Variants in SORL1 observed in about 807,000 individuals in gnomAD.
SORL1 encodes the protein sortilin-related receptor.
In SORL1, 127 loss-of-function variants were observed where a neutral mutation model predicts 273.7. The observed-to-expected ratio is 0.46, with a 90% CI of 0.40 to 0.54. The LOEUF is 0.54. Among genes scored for constraint, SORL1 ranks in the 20% least tolerant of loss-of-function variants. SORL1 has a pLI of 0.00. For missense variants in SORL1, 2,494 were observed against 2,846.1 expected, an observed-to-expected ratio of 0.88 and a Z score of 2.81; for synonymous variants, 1,031 against 1,067.4, an observed-to-expected ratio of 0.97 and a Z score of 0.66.
chr11:121,479,075 C>T (rs1338842148), intron 3 of SORL1, among the ~76,000 whole-genome samples: 1 of 152,124 alleles, frequency 6.6e-6, no homozygotes, highest in East Asian at 1.9e-4. Flanking sequence ...TGAACCTGTA[C>T]CGATATGGAA....
At chr11:121,555,156 C>T in intron 17 of SORL1, 31 bp from the exon 18 acceptor site, 12 of 1,606,280 alleles carry the variant, frequency 7.5e-6, no homozygotes, top group Non-Finnish European at 1.0e-5. Flanking sequence ...TGAACAGTTC[C>T]TAGCATTTAT....
chr11:121,523,261 G>A (rs1862068062), intron 11 of SORL1, among the ~76,000 whole-genome samples: 1 of 152,184 alleles, frequency 6.6e-6, no homozygotes, highest in Admixed American at 6.5e-5. Flanking sequence ...CTGTTTTACT[G>A]ACTTCTTTAT....
chr11:121,457,077 CG>C (rs1157249691), intron 1 of SORL1, among the ~76,000 whole-genome samples: 37 of 152,264 alleles, frequency 2.4e-4, no homozygotes, highest in Non-Finnish European at 4.6e-4. Context: ...CAATAAGGGA[CG>C]TGACCTTGAA....
intron 13 of SORL1, 93 bp downstream of exon 13, chr11:121,543,819 G>A (rs958566643): frequency 3.3e-6 from 4 of 1,213,162 alleles, no homozygotes; most frequent in Non-Finnish European, 4.6e-6. Flanking sequence ...GTACTCAGAA[G>A]AGCCTGACAT....
intron 16 of SORL1, among the ~76,000 whole-genome samples, chr11:121,552,138 A>G (rs539707201): frequency 6.6e-5 from 10 of 152,204 alleles, no homozygotes; most frequent in South Asian, 2.1e-4. Flanking sequence ...AAAAGAGAGA[A>G]AAAAAAAGGC....
chr11:121,586,158 CTG>C (rs1863103027), intron 26 of SORL1, 62 bp from the exon 27 acceptor site: 1 of 1,333,808 alleles, frequency 7.5e-7, no homozygotes. Context: ...CCCGCCAGCA[CTG>C]TGTGTGAGTG....
rs1238052968 is a variant in SORL1, at chr11:121,452,611, G to C, written c.280G>C (p.Gly94Arg). ...ALQPEPIKVY[G>R]QVSLNDSHNQ... Reference sequence around the variant, plus strand: ...GCAGCCCGAGCCCATCAAGGTGTACGGACAGGTGAGCAGTTTTGCAACCCG... The same window carrying C: ...GCAGCCCGAGCCCATCAAGGTGTACCGACAGGTGAGCAGTTTTGCAACCCG... The change falls in exon 1 of 48, where the codon GGA (glycine) becomes CGA (arginine). Residue 94 changes from glycine (G) to arginine (R), a missense_variant. By Grantham distance (125) the Gly-to-Arg change is moderately radical (BLOSUM62 -2). Around this residue, in one of 3 missense-constraint regions of SORL1, gnomAD observed 175 missense variants for 147.1 expected, o/e 1.19. Transcript: ENST00000260197. The surrounding 1 kb of genome is among the most constrained non-coding windows in gnomAD (Gnocchi z 5.3). The C allele has an allele frequency of 6.7e-7, 1 of 1,496,206 alleles. No individual in the cohort carries two copies. The highest frequency in any genetic ancestry group is 2.2e-5 in the Admixed American group (1 of 45,104). 92.7% of individuals were successfully genotyped at this position (1,496,206 alleles called of 1,614,324 possible). A position where few individuals can be genotyped will look rare whatever the true frequency, so the allele number is the denominator to read the frequency against.
intron 11 of SORL1, 124 bp downstream of exon 11, chr11:121,523,113 G>A: frequency 1.5e-6 from 1 of 689,040 alleles, no homozygotes; most frequent in Non-Finnish European, 2.6e-6. Context: ...TGCCAGATAT[G>A]ACTATAAAGT....
intron 25 of SORL1, 45 bp from the exon 26 acceptor site, chr11:121,583,413 A>T: frequency 6.4e-7 from 1 of 1,574,058 alleles, no homozygotes. Flanking sequence ...TTGGTGGGGG[A>T]TGGAGATGAG....
chr11:121,597,456 GT>G (rs1239492916), intron 32 of SORL1, among the ~76,000 whole-genome samples: 199 of 140,242 alleles, frequency 1.4e-3, no homozygotes, highest in South Asian at 2.3e-3. Context: ...GTGTTTGTTT[GT>G]TTTTTTTTTT....
At chr11:121,608,579 A>G (rs901335383) in intron 38 of SORL1, 14 of 201,840 alleles carry the variant, frequency 6.9e-5, no homozygotes, top group African/African-American at 3.1e-4. Context: ...TCCCAGTGGC[A>G]CTGGCAAACT....
intron 21 of SORL1, among the ~76,000 whole-genome samples, chr11:121,564,223 T>C (rs2134917491): frequency 6.6e-6 from 1 of 152,328 alleles, no homozygotes; most frequent in Admixed American, 6.5e-5. Context: ...GAATTACCCT[T>C]CCATCTTCTT....
intron 31 of SORL1, among the ~76,000 whole-genome samples, chr11:121,593,059 C>T (rs1385162803): frequency 1.3e-5 from 2 of 152,140 alleles, no homozygotes; most frequent in Non-Finnish European, 2.9e-5. Flanking sequence ...CCTCATATTT[C>T]TCCCCCTTTC....
chr11:121,599,897 T>C (rs895013457), intron 32 of SORL1, among the ~76,000 whole-genome samples: 9 of 152,262 alleles, frequency 5.9e-5, no homozygotes, highest in African/African-American at 2.2e-4. Context: ...GTTTTGTTTT[T>C]CACTTTGCTT....
At position 121,604,178 on chromosome 11, in the gene SORL1, C is replaced by T. The variant is rs1459186752; in HGVS notation, c.4520-15C>T. 1.9e-6 allele frequency: 3 copies of T among 1,613,534 alleles called. No individual in the cohort carries two copies. The highest frequency in any genetic ancestry group is 1.3e-5 in the African/African-American group (1 of 74,932). On this transcript the variant is annotated splice_polypyrimidine_tract_variant and intron_variant, in intron 32 of 47. Coordinates refer to ENST00000260197, the MANE Select transcript of SORL1 (RefSeq NM_003105.6). ...GCCCCTCCCCGTGGACTTAAGAAGCCTCTCTGTGTTTCAGCCACACACAGC... is the reference window on the plus strand; with the variant it reads ...GCCCCTCCCCGTGGACTTAAGAAGCTTCTCTGTGTTTCAGCCACACACAGC...
In SORL1 at chr11:121,574,302, A is replaced by C; in HGVS notation, c.3399A>C (p.Pro1133=). Residue 1133 remains proline, a synonymous_variant, in exon 24 of 48, where the codon CCA becomes CCC. Transcript: ENST00000260197. ...FRCQESGTCI[P]LSYKCDLEDD... ...GCCAGGAGTCTGGGACTTGTATCCC[A>C]CTGTCCTATAAATGTGACCTTGAGG... The C allele has an allele frequency of 1.2e-6, 2 of 1,613,698 alleles. No individual in the cohort carries two copies. Among genetic ancestry groups the C allele is most frequent in the Non-Finnish European group, 8.5e-7 (1 of 1,179,620 alleles).
chr11:121,561,372 C>G (rs943036745), intron 21 of SORL1, among the ~76,000 whole-genome samples: 7 of 152,202 alleles, frequency 4.6e-5, no homozygotes, highest in African/African-American at 1.7e-4. Context: ...TCAGCACATG[C>G]AAACGTGGTG....
In SORL1 at chr11:121,550,763, T is replaced by C. The variant is rs951589887; in HGVS notation, c.2266+93T>C. On this transcript the variant is annotated intron_variant, in intron 16 of 47. Coordinates refer to ENST00000260197, the MANE Select transcript of SORL1 (RefSeq NM_003105.6). This position sits in a 1 kb window ranked among gnomAD's most constrained non-coding sequence, Gnocchi z 5.3. The stretch of plus-strand genomic sequence containing the variant: ...AAGTCCGGGCTTGTGGCTCCTTTAA[T>C]TGAGTGGAGAAAAACAATGGCCGTC... 6.3e-5 allele frequency: 59 copies of C among 935,420 alleles called. No homozygotes were observed. The highest frequency in any genetic ancestry group is 7.3e-5 in the Non-Finnish European group (45 of 617,410). The allele number at this position is 935,420 out of a possible 1,614,324, so 57.9% of individuals were successfully genotyped here.
In SORL1 at chr11:121,545,403, C is replaced by T. The variant is rs1196884251; in HGVS notation, c.2025C>T (p.Cys675=). 6.2e-7 allele frequency: 1 copy of T among 1,613,928 alleles called. No homozygotes were observed. The highest frequency in any genetic ancestry group is 8.5e-7 in the Non-Finnish European group (1 of 1,180,002). ...DFDRPVVVSN[C]SCTREDYECD... ...ACAGGCCGGTGGTCGTGTCCAACTG[C>T]TCCTGCACCCGGGAGGACTATGAGT... is the stretch of plus-strand genomic sequence containing the variant. The change falls in exon 14 of 48, where the codon TGC becomes TGT. Residue 675 remains cysteine, a synonymous_variant. Coordinates refer to ENST00000260197, the MANE Select transcript of SORL1 (RefSeq NM_003105.6).
Sources: gnomAD v4.1 joint callset for allele counts (sites outside exome capture counted in the v4.1 genomes callset) on GRCh38, gnomAD v4.1.1 for gene constraint, gnomAD v4.1.1 regional missense constraint, Gnocchi (gnomAD v3.1) non-coding constraint, MANE v1.5 for transcripts, NCBI Gene and HGNC (gene_info 2026-07-23, HGNC 2026-07-21) for gene names.